Variants in LRIF1 observed in about 807,000 individuals in gnomAD.
LRIF1 encodes the protein ligand dependent nuclear receptor interacting factor 1, also known as ligand-dependent nuclear receptor-interacting factor 1.
LRIF1 carries 32 observed loss-of-function variants against 52.7 expected under a neutral mutation model. The observed-to-expected ratio is 0.61, with a 90% CI of 0.46 to 0.82. The LOEUF is 0.82. Among genes scored for constraint, LRIF1 ranks in the 40% least tolerant of loss-of-function variants. The probability of loss-of-function intolerance (pLI) is 0.00; values close to 1 mark genes in which losing one functional copy is unlikely to be tolerated. For synonymous variants in LRIF1, 323 were observed against 317.4 expected (o/e 1.02, Z -0.19); for missense variants, 887 against 892.0 (o/e 0.99, Z 0.07).
chr1:110,924,504 G>A, the LRIF1 span, among the ~76,000 whole-genome samples: 1 of 152,182 alleles, frequency 6.6e-6, no homozygotes, highest in African/African-American at 2.4e-5. Flanking sequence ...GCATGAAGAA[G>A]GGCCAAGTGA....
At chr1:110,945,584 C>A (rs1377440767), downstream of LRIF1, among the ~76,000 whole-genome samples, 3 of 152,118 alleles carry the variant, frequency 2.0e-5, no homozygotes, top group Non-Finnish European at 4.4e-5. Context: ...CACAACCATG[C>A]CCAGCTAATT....
chr1:110,898,749 G>A, the LRIF1 span, among the ~76,000 whole-genome samples: 1 of 152,040 alleles, frequency 6.6e-6, no homozygotes, highest in Non-Finnish European at 1.5e-5. Flanking sequence ...ACTCAATCAG[G>A]AAGCTCAGAG....
At chr1:110,881,037 G>A in the LRIF1 span, among the ~76,000 whole-genome samples, 3 of 152,176 alleles carry the variant, frequency 2.0e-5, no homozygotes, top group African/African-American at 7.2e-5. Context: ...ATTCAATATT[G>A]CTTTGCTAAA....
Position 110,963,595 on chromosome 1 carries a change from G to A in LRIF1, c.68+26C>T, listed in dbSNP as rs192849159. On this transcript the variant is annotated intron_variant, in intron 1 of 3. Coordinates refer to ENST00000369763, the MANE Select transcript of LRIF1 (RefSeq NM_018372.4). ...CTAAGACGGACAGAGGGGCAGCCGTGGGGAGGATTCGAAACCGGTACTTAC... is the reference window on the plus strand; with the variant it reads ...CTAAGACGGACAGAGGGGCAGCCGTAGGGAGGATTCGAAACCGGTACTTAC... 3.0e-5 allele frequency: 48 copies of A among 1,593,156 alleles called. No individual in the cohort carries two copies. In the South Asian group the frequency reaches 4.9e-4, roughly 16 times the overall value.
the LRIF1 span, among the ~76,000 whole-genome samples, chr1:110,933,144 C>T: frequency 4.6e-5 from 7 of 152,194 alleles, no homozygotes; most frequent in Admixed American, 3.3e-4. Context: ...TAATTACCTT[C>T]TGACATCACA....
At chr1:110,903,392 G>A in the LRIF1 span, among the ~76,000 whole-genome samples, 1 of 152,140 alleles carries the variant, frequency 6.6e-6, no homozygotes, top group Admixed American at 6.5e-5. Flanking sequence ...GAGAGGGGAG[G>A]GAAGAGAGAG....
intron 1 of LRIF1, among the ~76,000 whole-genome samples, chr1:110,955,846 G>A (rs1443080865): frequency 6.6e-6 from 1 of 152,206 alleles, no homozygotes; most frequent in Non-Finnish European, 1.5e-5. Flanking sequence ...ATACTCAAGT[G>A]AGCCAGTTCA....
chr1:110,878,664 A>G, the LRIF1 span, among the ~76,000 whole-genome samples: 3 of 152,160 alleles, frequency 2.0e-5, no homozygotes, highest in Non-Finnish European at 4.4e-5. Flanking sequence ...TTCTAATAAT[A>G]TATATTCTCA....
the LRIF1 span, among the ~76,000 whole-genome samples, chr1:110,890,787 G>A: frequency 1.3e-5 from 2 of 152,154 alleles, no homozygotes; most frequent in African/African-American, 2.4e-5. Flanking sequence ...TTTGCTGTAA[G>A]ACTGTTGTCT....
chr1:110,901,948 C>T, the LRIF1 span, among the ~76,000 whole-genome samples: 2 of 152,192 alleles, frequency 1.3e-5, no homozygotes, highest in Admixed American at 1.3e-4. Flanking sequence ...TTGTCTTTAA[C>T]TCTAGCCTGT....
the LRIF1 span, among the ~76,000 whole-genome samples, chr1:110,914,967 G>C: frequency 6.6e-6 from 1 of 151,980 alleles, no homozygotes; most frequent in Admixed American, 6.6e-5. Flanking sequence ...CAACATAAAT[G>C]CATGTTTATG....
the LRIF1 span, among the ~76,000 whole-genome samples, chr1:110,885,321 C>A: frequency 6.6e-6 from 1 of 152,114 alleles, no homozygotes; most frequent in African/African-American, 2.4e-5. Context: ...GAGGCCGAGG[C>A]GGGCGGATCA....
At chr1:110,951,157 A>T in intron 2 of LRIF1, 131 bp downstream of exon 2, 2 of 712,550 alleles carry the variant, frequency 2.8e-6, no homozygotes, top group South Asian at 2.0e-5. Context: ...TTAAATACTC[A>T]TATGTGTATA....
chr1:110,902,943 G>A, the LRIF1 span, among the ~76,000 whole-genome samples: 3 of 152,158 alleles, frequency 2.0e-5, no homozygotes, highest in Admixed American at 2.0e-4. Context: ...GCATGATGCG[G>A]AGAGTGTCTC....
chr1:110,891,477 T>C, the LRIF1 span: 15 of 1,610,358 alleles, frequency 9.3e-6, no homozygotes, highest in Non-Finnish European at 1.1e-5. Context: ...TTTGGGTAAG[T>C]GTATCTCTTC....
At chr1:110,903,295 G>A in the LRIF1 span, among the ~76,000 whole-genome samples, 28,879 of 152,104 alleles carry the variant, frequency 0.19, 3,062 homozygotes, top group Non-Finnish European at 0.24. Flanking sequence ...CAGCTGGGGT[G>A]GCTAAGAGAG....
the LRIF1 span, among the ~76,000 whole-genome samples, chr1:110,901,084 G>T: frequency 6.6e-6 from 1 of 151,850 alleles, no homozygotes; most frequent in Non-Finnish European, 1.5e-5. Flanking sequence ...GTAGTCTGTA[G>T]AAAAACCTAC....
At chr1:110,936,154 T>G in the LRIF1 span, among the ~76,000 whole-genome samples, 1 of 152,106 alleles carries the variant, frequency 6.6e-6, no homozygotes, top group Non-Finnish European at 1.5e-5. Context: ...AAACAAAAGC[T>G]GAGGGCTTTC....
At chr1:110,908,623 C>T in the LRIF1 span, among the ~76,000 whole-genome samples, 10 of 151,906 alleles carry the variant, frequency 6.6e-5, no homozygotes, top group Admixed American at 6.6e-4. Context: ...TCAGAATAGA[C>T]CAAGCTAAGG....
Sources: gnomAD v4.1 joint callset for allele counts (sites outside exome capture counted in the v4.1 genomes callset) on GRCh38, gnomAD v4.1.1 for gene constraint, MANE v1.5 for transcripts, NCBI Gene and HGNC (gene_info 2026-07-23, HGNC 2026-07-21) for gene names.